The following PIKFYVE variants were observed in gnomAD, a reference collection of about 807,000 sequenced individuals.
PIKFYVE encodes phosphoinositide kinase, FYVE-type zinc finger containing, also known as 1-phosphatidylinositol 3-phosphate 5-kinase.
Under a neutral mutation model 257.9 loss-of-function variants are expected in PIKFYVE, and 122 were observed. That is an observed-to-expected ratio of 0.47 (90% CI 0.41 to 0.55). The LOEUF is 0.55. PIKFYVE is among the 20% of genes least tolerant of loss of function. The pLI is 0.00. For synonymous variants in PIKFYVE, 892 were observed against 868.9 expected (o/e 1.03, Z -0.47); for missense variants, 2,160 against 2,536.6 (o/e 0.85, Z 3.19).
chr2:208,342,935 C>T (rs1698853466), intron 32 of PIKFYVE, among the ~76,000 whole-genome samples: 1 of 151,636 alleles, frequency 6.6e-6, no homozygotes, highest in African/African-American at 2.4e-5. Flanking sequence ...GCTGGGACTA[C>T]AGACACACAC....
chr2:208,337,727 T>A lies in PIKFYVE; in HGVS notation c.4612-781T>A, dbSNP rs187368092. On this transcript the variant is annotated intron_variant, in intron 28 of 41. Coordinates refer to ENST00000264380, the MANE Select transcript of PIKFYVE (RefSeq NM_015040.4). Reference sequence around the variant, plus strand: ...GACCTTTTCAGGGACTCTGCAAAAATTTTTTTTTTTGAGAGATGGAGTCTC... The same window carrying A: ...GACCTTTTCAGGGACTCTGCAAAAAATTTTTTTTTTGAGAGATGGAGTCTC... 9.2e-3 allele frequency among the ~76,000 whole-genome samples: 1,368 copies of A among 148,830 alleles called. 28 individuals carry two copies. Among genetic ancestry groups the A allele is most frequent in the African/African-American group, 0.031 (1,285 of 40,820 alleles).
chr2:208,290,232 C>T lies in PIKFYVE; in HGVS notation c.911+1414C>T, dbSNP rs560226967. ...GTGCGTCTGTCATTGTTGTATCCTA[C>T]GGAATAGTTCCTCTGCCCAAAAAGT... is the stretch of plus-strand genomic sequence containing the variant. On this transcript the variant is annotated intron_variant, in intron 7 of 41. Transcript: ENST00000264380. Among the ~76,000 whole-genome samples the T allele has an allele frequency of 1.7e-4, 26 of 152,310 alleles. No homozygotes were observed. The South Asian group carries it at 1.9e-3, about 11-fold the overall frequency.
chr2:208,348,177 C>T (rs533166911), intron 35 of PIKFYVE, among the ~76,000 whole-genome samples, 154 bp downstream of exon 35: 1 of 152,306 alleles, frequency 6.6e-6, no homozygotes, highest in Non-Finnish European at 1.5e-5. Flanking sequence ...GTGGAAAAAG[C>T]ATGGCACTGG....
intron 1 of PIKFYVE, chr2:208,269,904 C>A (rs1689180380): frequency 7.1e-6 from 2 of 280,268 alleles, no homozygotes; most frequent in African/African-American, 2.3e-5. Flanking sequence ...CTTGGCAGCA[C>A]CTTTGGAGAT....
Position 208,352,657 on chromosome 2 carries a change from C to A in PIKFYVE, c.5719C>A (p.Pro1907Thr), listed in dbSNP as rs1311450961. Residue 1907 changes from proline (P) to threonine (T), a missense_variant, in exon 39 of 42, where the codon CCC (proline) becomes ACC (threonine). Coordinates refer to ENST00000264380, the MANE Select transcript of PIKFYVE (RefSeq NM_015040.4). ...ATTTTGACCTTCTCTTGATTAGAGG[C>A]CCACGGCGTTGGCCAAAATTCTTGG... ...YITNAVQQKR[P>T]TALAKILGVY... The A allele has an allele frequency of 6.2e-7, 1 of 1,613,326 alleles. No homozygotes were observed. The highest frequency in any genetic ancestry group is 1.7e-5 in the Admixed American group (1 of 59,990).
intron 1 of PIKFYVE, among the ~76,000 whole-genome samples, chr2:208,270,144 C>T (rs562200378): frequency 3.3e-4 from 49 of 149,010 alleles, no homozygotes; most frequent in African/African-American, 1.2e-3. Context: ...TGGGTTCCAG[C>T]GATTCTCCTG....
rs771705715 is a variant in PIKFYVE, at chr2:208,277,637, G to A, written c.542G>A (p.Arg181Gln). The change falls in exon 5 of 42, where the codon CGA (arginine) becomes CAA (glutamine). Residue 181 changes from arginine (R) to glutamine (Q), a missense_variant. Around this residue, in one of 12 missense-constraint regions of PIKFYVE, gnomAD observed 28 missense variants for 68.2 expected, o/e 0.41. Transcript: ENST00000264380. ...ACCTTTAGGCGCAGACACCATTGCC[G>A]ACTATGTGGGCAGATTTTCTGCAGT... ...FTTFRRRHHC[R>Q]LCGQIFCSRC... 1.9e-6 allele frequency: 3 copies of A among 1,613,876 alleles called. No homozygotes were observed. The highest frequency in any genetic ancestry group is 2.5e-6 in the Non-Finnish European group (3 of 1,179,790).
chr2:208,302,577 TAAAA>T (rs1693827738), intron 10 of PIKFYVE: 3 of 513,592 alleles, frequency 5.8e-6, no homozygotes, highest in Non-Finnish European at 1.0e-5. Flanking sequence ...GATCAGACAA[TAAAA>T]AAGGAAAAAG....
intron 27 of PIKFYVE, 145 bp from the exon 28 acceptor site, chr2:208,336,693 C>T: frequency 1.8e-6 from 1 of 544,084 alleles, no homozygotes; most frequent in South Asian, 2.4e-5. Flanking sequence ...AAAACTTACT[C>T]TTATTTATAT....
At chr2:208,304,042 T>G in intron 10 of PIKFYVE, 129 bp from the exon 11 acceptor site, 2 of 1,196,314 alleles carry the variant, frequency 1.7e-6, no homozygotes, top group Middle Eastern at 2.0e-4. Context: ...TTTGTTAATT[T>G]GTTTATTTTT....
chr2:208,353,205 G>A lies in PIKFYVE; in HGVS notation c.5844+423G>A, dbSNP rs185669736. On this transcript the variant is annotated intron_variant, in intron 39 of 41. Coordinates refer to ENST00000264380, the MANE Select transcript of PIKFYVE (RefSeq NM_015040.4). ...TCCAGTCTATGATAAGATAAGGAACGTGTGCTAGAATGTAATTCAGTTCAC... is the reference window on the plus strand; with the variant it reads ...TCCAGTCTATGATAAGATAAGGAACATGTGCTAGAATGTAATTCAGTTCAC... Among the ~76,000 whole-genome samples, 40 of 152,178 alleles carry A rather than the reference G, an allele frequency of 2.6e-4. 1 individual carries two copies. Among genetic ancestry groups the A allele is most frequent in the African/African-American group, 9.2e-4 (38 of 41,428 alleles).
intron 31 of PIKFYVE, among the ~76,000 whole-genome samples, chr2:208,340,488 A>C (rs1434084200): frequency 6.6e-6 from 1 of 152,216 alleles, no homozygotes; most frequent in East Asian, 1.9e-4. Flanking sequence ...TTGCTGGGAC[A>C]TGGCATTGTC....
In PIKFYVE at chr2:208,345,412, G is replaced by A. The variant is rs141693959; in HGVS notation, c.5111+218G>A. Among the ~76,000 whole-genome samples the A allele has an allele frequency of 1.0e-2, 1,516 of 152,042 alleles. 10 individuals are homozygous for A. The highest frequency in any genetic ancestry group is 0.016 in the Non-Finnish European group (1,081 of 67,920). On this transcript the variant is annotated intron_variant, in intron 33 of 41. Transcript: ENST00000264380. ...ATGCAGTTTTATGATAATTGCAATA[G>A]CAGTTAAATGTATATTGCAGATTTA...
intron 1 of PIKFYVE, 110 bp downstream of exon 1, chr2:208,266,525 C>CA (rs1377864865): frequency 2.0e-5 from 3 of 152,780 alleles, no homozygotes; most frequent in Non-Finnish European, 4.4e-5. Context: ...CAGGGCTCCG[C>CA]AGTCGGGGGC....
chr2:208,324,059 T>C, intron 17 of PIKFYVE, 83 bp from the exon 18 acceptor site: 1 of 1,470,210 alleles, frequency 6.8e-7, no homozygotes, highest in South Asian at 1.1e-5. Flanking sequence ...ATTCTGTAGG[T>C]TGCCTGTTCA....
rs77984113 is a variant in PIKFYVE at position 208,343,864 on chromosome 2, C to G, written c.5027+1215C>G. 6.8e-3 allele frequency among the ~76,000 whole-genome samples: 992 copies of G among 146,214 alleles called. 12 individuals carry two copies. Among genetic ancestry groups the G allele is most frequent in the African/African-American group, 0.024 (940 of 39,582 alleles). On this transcript the variant is annotated intron_variant, in intron 32 of 41. Coordinates refer to ENST00000264380, the MANE Select transcript of PIKFYVE (RefSeq NM_015040.4). The stretch of plus-strand genomic sequence containing the variant: ...TTTTTTTTTTTGAGACAGAGTCTTT[C>G]TCAGTTGCCCAGGCTGGAGTGCAGT...
In PIKFYVE at chr2:208,271,733, T is replaced by A. The variant is rs931836793; in HGVS notation, c.172+42T>A. On this transcript the variant is annotated intron_variant, in intron 2 of 41. Coordinates refer to ENST00000264380, the MANE Select transcript of PIKFYVE (RefSeq NM_015040.4). ...ATAAGAGGTTTGATTCAGGTCTGAT[T>A]GTTTGAAATGCTCCTTTGTCTCCAG... 2.5e-6 allele frequency: 4 copies of A among 1,574,354 alleles called. No homozygotes were observed. In the African/African-American group the frequency reaches 5.4e-5, roughly 21 times the overall value.
intron 23 of PIKFYVE, 72 bp downstream of exon 23, chr2:208,330,766 G>GAA: frequency 7.4e-7 from 1 of 1,351,466 alleles, no homozygotes. Context: ...TTTTTCCTGA[G>GAA]GAGGTTTCCT....
chr2:208,339,668 A>T, intron 30 of PIKFYVE, 113 bp downstream of exon 30: 2 of 1,366,152 alleles, frequency 1.5e-6, no homozygotes, highest in South Asian at 1.2e-5. Flanking sequence ...GCTTCATAAT[A>T]ACAGATTCAT....
Sources: allele counts gnomAD v4.1 joint callset (sites outside exome capture counted in the v4.1 genomes callset), GRCh38; gene constraint gnomAD v4.1.1; regional missense constraint gnomAD v4.1.1; transcripts MANE v1.5; gene names NCBI Gene and HGNC (gene_info 2026-07-23, HGNC 2026-07-21).